Variants in PARP11 observed in about 807,000 individuals in gnomAD.
The protein encoded by PARP11 is poly(ADP-ribose) polymerase family member 11.
In PARP11, 31 loss-of-function variants were observed where a neutral mutation model predicts 42.9. That is an observed-to-expected ratio of 0.72 (90% confidence interval 0.54 to 0.98). The LOEUF is 0.98. Among genes scored for constraint, PARP11 ranks in the 50% least tolerant of loss-of-function variants. The pLI is 0.00. For missense variants in PARP11, 365 were observed against 413.1 expected, an observed-to-expected ratio of 0.88 and a Z score of 1.01; for synonymous variants, 137 against 127.3, an observed-to-expected ratio of 1.08 and a Z score of -0.51.
intron 6 of PARP11, among the ~76,000 whole-genome samples, chr12:3,819,767 C>G (rs1947357569): frequency 6.6e-6 from 1 of 152,200 alleles, no homozygotes; most frequent in Non-Finnish European, 1.5e-5. Context: ...CTGGTTCAAT[C>G]CAACTCAACT....
chr12:3,818,606 T>A lies in PARP11; in HGVS notation c.548+3267A>T, dbSNP rs1033348489. On this transcript the variant is annotated intron_variant, in intron 6 of 7. Transcript: ENST00000228820. ...CACATTAGCTGTCTTCTCACATCTC[T>A]CATCCTCCTCACTGCCAAGCTTCTT... Among the ~76,000 whole-genome samples, 3 of 152,360 alleles carry A rather than the reference T, an allele frequency of 2.0e-5. No homozygotes were observed. The South Asian group carries it at 6.2e-4, about 32-fold the overall frequency.
Position 3,840,011 on chromosome 12 carries a change from A to G in PARP11, c.19-9993T>C. ...AACGAGCAGCTGAAGAACAATGGGA[A>G]CTCTACTAGCCTGCCTTTGGCTAGA... is the stretch of plus-strand genomic sequence containing the variant. On this transcript the variant is annotated intron_variant, in intron 1 of 7. Transcript: ENST00000228820. This position sits in a 1 kb window ranked among gnomAD's most constrained non-coding sequence, Gnocchi z 4.4. 2 of 1,599,316 alleles carry G rather than the reference A, an allele frequency of 1.3e-6. No homozygotes were observed. The highest frequency in any genetic ancestry group is 1.7e-6 in the Non-Finnish European group (2 of 1,166,556).
chr12:3,873,055 G>T (rs17836424), intron 1 of PARP11, among the ~76,000 whole-genome samples, 157 bp downstream of exon 1: 9,048 of 152,286 alleles, frequency 0.059, 336 homozygotes, highest in East Asian at 0.18. Context: ...GCTTAAAAAG[G>T]TACAGACTAC....
Position 3,840,767 on chromosome 12 carries a change from T to C in PARP11, c.19-10749A>G, listed in dbSNP as rs1947869640. On this transcript the variant is annotated intron_variant, in intron 1 of 7. Coordinates refer to ENST00000228820, the MANE Select transcript of PARP11 (RefSeq NM_020367.6). The surrounding 1 kb of genome is among the most constrained non-coding windows in gnomAD (Gnocchi z 4.4). The stretch of plus-strand genomic sequence containing the variant: ...TTGGATAAAAGACCCGAACCAAGCA[T>C]ATTGGAGAATATTACTGATGATAAA... The C allele has an allele frequency of 2.0e-6, 3 of 1,491,582 alleles. No individual in the cohort carries two copies. Among genetic ancestry groups the C allele is most frequent in the Non-Finnish European group, 2.8e-6 (3 of 1,068,268 alleles). 92.4% of individuals were successfully genotyped at this position (1,491,582 alleles called of 1,614,324 possible).
At position 3,840,601 on chromosome 12, in the gene PARP11, C is replaced by A; in HGVS notation, c.19-10583G>T. On this transcript the variant is annotated intron_variant, in intron 1 of 7. Coordinates refer to ENST00000228820, the MANE Select transcript of PARP11 (RefSeq NM_020367.6). This position sits in a 1 kb window ranked among gnomAD's most constrained non-coding sequence, Gnocchi z 4.4. ...AGTTGAGGATTCTGATCACACAAGT[C>A]GAGAATCTAACTATTGCTACTTCTC... 5 of 1,367,798 alleles carry A rather than the reference C, an allele frequency of 3.7e-6. No individual in the cohort carries two copies. Among genetic ancestry groups the A allele is most frequent in the Non-Finnish European group, 5.2e-6 (5 of 955,690 alleles). 84.7% of individuals were successfully genotyped at this position (1,367,798 alleles called of 1,614,324 possible).
chr12:3,853,139 A>G (rs937833386), intron 1 of PARP11, among the ~76,000 whole-genome samples: 4 of 152,232 alleles, frequency 2.6e-5, no homozygotes, highest in African/African-American at 9.6e-5. Flanking sequence ...AGGAAGCACT[A>G]AACATGGAAA....
Position 3,840,702 on chromosome 12 carries a change from C to A in PARP11, c.19-10684G>T. ...AAAGGAAGCAGGCGGAGAATGGATA[C>A]AGAAGAACGAAAAGACAAAGACTCT... On this transcript the variant is annotated intron_variant, in intron 1 of 7. Coordinates refer to ENST00000228820, the MANE Select transcript of PARP11 (RefSeq NM_020367.6). The surrounding 1 kb of genome is among the most constrained non-coding windows in gnomAD (Gnocchi z 4.4). 1 of 1,257,752 alleles carries A rather than the reference C, an allele frequency of 8.0e-7. No homozygotes were observed. The highest frequency in any genetic ancestry group is 1.2e-6 in the Non-Finnish European group (1 of 854,828). The allele number at this position is 1,257,752 out of a possible 1,614,324, so 77.9% of individuals were successfully genotyped here. A position where few individuals can be genotyped will look rare whatever the true frequency, so the allele number is the denominator to read the frequency against.
intron 1 of PARP11, chr12:3,842,028 C>A: frequency 6.2e-7 from 1 of 1,610,688 alleles, no homozygotes; most frequent in East Asian, 2.2e-5. Flanking sequence ...CATTGGCTTC[C>A]ATCCCTCCTG....
chr12:3,851,858 A>C (rs377734469), intron 1 of PARP11, among the ~76,000 whole-genome samples: 17 of 152,350 alleles, frequency 1.1e-4, no homozygotes, highest in African/African-American at 4.1e-4. Flanking sequence ...ACCTCCCAGT[A>C]GGGGCCGACT....
chr12:3,849,690 G>C (rs1275184156), intron 1 of PARP11, among the ~76,000 whole-genome samples: 1 of 152,088 alleles, frequency 6.6e-6, no homozygotes, highest in Non-Finnish European at 1.5e-5. Flanking sequence ...GTTGATTAAT[G>C]GGTATAAATA....
At chr12:3,825,820 G>A (rs866935245) in intron 4 of PARP11, among the ~76,000 whole-genome samples, 3 of 152,008 alleles carry the variant, frequency 2.0e-5, no homozygotes, top group African/African-American at 2.4e-5. Context: ...TCCGCCTCAC[G>A]GGTTCACACC....
chr12:3,869,053 T>G (rs903314920), intron 1 of PARP11, among the ~76,000 whole-genome samples: 2 of 152,188 alleles, frequency 1.3e-5, no homozygotes, highest in Non-Finnish European at 2.9e-5. Flanking sequence ...TTCCTTCATC[T>G]CCAAAGTCAG....
At chr12:3,872,541 G>A (rs1477495391) in intron 1 of PARP11, 1 of 985,220 alleles carries the variant, frequency 1.0e-6, no homozygotes, top group Non-Finnish European at 1.2e-6. Flanking sequence ...AGGCAGACTT[G>A]CAGTTGAAAT....
chr12:3,855,332 G>T (rs1430468474), intron 1 of PARP11, among the ~76,000 whole-genome samples: 1 of 152,164 alleles, frequency 6.6e-6, no homozygotes, highest in East Asian at 1.9e-4. Context: ...AGGAAAAGAG[G>T]AAGTCAAATT....
chr12:3,838,921 T>C (rs1238559331), intron 1 of PARP11, among the ~76,000 whole-genome samples: 2 of 152,076 alleles, frequency 1.3e-5, no homozygotes, highest in East Asian at 3.9e-4. Flanking sequence ...CTTTTCTCGC[T>C]TCACACCGGT....
rs1442547018 is a variant in PARP11, at chr12:3,861,737, C to A, written c.18+11475G>T. ...TCCTGGCATTGTAGCTAAAAAGAAT[C>A]TTTGTGGCCAGGCGTGGTGGCTCAC... On this transcript the variant is annotated intron_variant, in intron 1 of 7. Coordinates refer to ENST00000228820, the MANE Select transcript of PARP11 (RefSeq NM_020367.6). The surrounding 1 kb of genome is among the most constrained non-coding windows in gnomAD (Gnocchi z 4.6). Among the ~76,000 whole-genome samples the A allele has an allele frequency of 6.6e-6, 1 of 151,752 alleles. No individual in the cohort carries two copies. Among genetic ancestry groups the A allele is most frequent in the Non-Finnish European group, 1.5e-5 (1 of 67,978 alleles).
intron 6 of PARP11, among the ~76,000 whole-genome samples, chr12:3,821,208 C>T (rs1947384118): frequency 6.6e-6 from 1 of 152,166 alleles, no homozygotes; most frequent in South Asian, 2.1e-4. Context: ...AAATATTAGA[C>T]ACCAAATCTC....
At chr12:3,816,513 T>C (rs965919130) in intron 6 of PARP11, among the ~76,000 whole-genome samples, 2 of 152,222 alleles carry the variant, frequency 1.3e-5, no homozygotes, top group Non-Finnish European at 2.9e-5. Context: ...TCTCAACCAC[T>C]ATAAAGTGAG....
chr12:3,817,866 C>G (rs936540613), intron 6 of PARP11, among the ~76,000 whole-genome samples: 2 of 152,164 alleles, frequency 1.3e-5, no homozygotes, highest in African/African-American at 4.8e-5. Flanking sequence ...AATGTCAGAA[C>G]CCAGAGGTTC....
Sources: allele counts gnomAD v4.1 joint callset (sites outside exome capture counted in the v4.1 genomes callset), GRCh38; gene constraint gnomAD v4.1.1; non-coding constraint Gnocchi (gnomAD v3.1); transcripts MANE v1.5; gene names NCBI Gene and HGNC (gene_info 2026-07-23, HGNC 2026-07-21).